MACROD2: variants seen among roughly 807,000 people sequenced by gnomAD.
MACROD2 encodes the protein ADP-ribose glycohydrolase MACROD2.
Under a neutral mutation model 70.4 loss-of-function variants are expected in MACROD2, and 36 were observed. That is an observed-to-expected ratio of 0.51 (90% CI 0.39 to 0.68). The LOEUF (loss-of-function observed/expected upper bound fraction) is 0.68, where lower values mean the gene tolerates loss of function less well. Ranked by LOEUF, MACROD2 falls within the 30% of genes least tolerant of loss-of-function variation. The pLI, the probability that MACROD2 is intolerant of heterozygous loss-of-function variation, is 0.00. For missense variants in MACROD2, 496 were observed against 538.4 expected (o/e 0.92, Z 0.78); for synonymous variants, 172 against 178.8 (o/e 0.96, Z 0.30).
intron 5 of MACROD2, among the ~76,000 whole-genome samples, chr20:14,814,796 G>A (rs961626841): frequency 5.9e-5 from 9 of 151,948 alleles, no homozygotes; most frequent in African/African-American, 2.2e-4. Context: ...TAATTGCAGA[G>A]CGTGGCACTG....
intron 9 of MACROD2, among the ~76,000 whole-genome samples, chr20:15,884,895 T>A (rs1379132865): frequency 6.6e-6 from 1 of 152,078 alleles, no homozygotes; most frequent in Non-Finnish European, 1.5e-5. Context: ...AGCCATCTTC[T>A]TCCTGTGTCC....
intron 3 of MACROD2, among the ~76,000 whole-genome samples, chr20:14,484,196 A>T (rs1394006722): frequency 1.3e-5 from 2 of 152,202 alleles, no homozygotes; most frequent in Non-Finnish European, 2.9e-5. Flanking sequence ...TAATAAACAT[A>T]TTTTAATATG....
chr20:14,033,522 C>T (rs1359645575), intron 2 of MACROD2, among the ~76,000 whole-genome samples: 1 of 152,070 alleles, frequency 6.6e-6, no homozygotes, highest in African/African-American at 2.4e-5. Flanking sequence ...ATTAAAACAT[C>T]CTGTTGGGTT....
intron 5 of MACROD2, among the ~76,000 whole-genome samples, chr20:14,814,655 T>C (rs2072752982): frequency 6.6e-6 from 1 of 152,042 alleles, no homozygotes; most frequent in Non-Finnish European, 1.5e-5. Flanking sequence ...AACCATCATT[T>C]ATTCAATAAA....
At chr20:14,097,894 A>T (rs1258973598) in intron 3 of MACROD2, among the ~76,000 whole-genome samples, 1 of 152,194 alleles carries the variant, frequency 6.6e-6, no homozygotes, top group African/African-American at 2.4e-5. Context: ...GTGTATGTTA[A>T]ACTGTCAGGA....
At chr20:15,717,204 T>A (rs1005786355) in intron 8 of MACROD2, among the ~76,000 whole-genome samples, 1 of 152,226 alleles carries the variant, frequency 6.6e-6, no homozygotes, top group Non-Finnish European at 1.5e-5. Flanking sequence ...TTCTTTTTCA[T>A]TGTAAGCCCA....
intron 5 of MACROD2, among the ~76,000 whole-genome samples, chr20:14,891,534 A>C (rs986924990): frequency 4.6e-5 from 7 of 152,160 alleles, no homozygotes; most frequent in African/African-American, 1.7e-4. Flanking sequence ...TTTTGTGCCC[A>C]GCCATGTCTT....
chr20:14,004,993 C>T (rs1335609479), intron 2 of MACROD2, among the ~76,000 whole-genome samples: 2 of 151,914 alleles, frequency 1.3e-5, no homozygotes, highest in Admixed American at 1.3e-4. Context: ...TAATTTTTTT[C>T]TTGCTTTGTT....
chr20:15,153,650 G>GC (rs1385091810), intron 5 of MACROD2, among the ~76,000 whole-genome samples: 1 of 152,196 alleles, frequency 6.6e-6, no homozygotes, highest in Non-Finnish European at 1.5e-5. Context: ...AATGAAGCCA[G>GC]ATATGGAATA....
chr20:15,418,832 CA>C (rs1167784204), intron 6 of MACROD2, among the ~76,000 whole-genome samples: 45 of 152,296 alleles, frequency 3.0e-4, no homozygotes, highest in African/African-American at 1.1e-3. Context: ...ATCCAGGTCT[CA>C]GGGGGGCCTT....
At chr20:14,514,023 A>C (rs2085059883) in intron 4 of MACROD2, among the ~76,000 whole-genome samples, 1 of 152,080 alleles carries the variant, frequency 6.6e-6, no homozygotes. Context: ...TTGTCTTTCT[A>C]CTTTTTCTAA....
intron 2 of MACROD2, among the ~76,000 whole-genome samples, chr20:14,048,244 A>G (rs1481516805): frequency 6.6e-6 from 1 of 152,204 alleles, no homozygotes; most frequent in Non-Finnish European, 1.5e-5. Context: ...GACTGAAACT[A>G]GAGGTTTATA....
At chr20:15,228,836 A>AT (rs1601261666) in intron 5 of MACROD2, among the ~76,000 whole-genome samples, 1 of 152,080 alleles carries the variant, frequency 6.6e-6, no homozygotes, top group African/African-American at 2.4e-5. Flanking sequence ...TGCCATATGC[A>AT]TTTTTTAAAC....
At chr20:15,532,350 T>C (rs543947473) in intron 8 of MACROD2, among the ~76,000 whole-genome samples, 1 of 152,294 alleles carries the variant, frequency 6.6e-6, no homozygotes, top group South Asian at 2.1e-4. Flanking sequence ...CAGAATGTGA[T>C]ATGTTAGATG....
chr20:16,035,223 T>TAAAATATA (rs1601359279), intron 15 of MACROD2, among the ~76,000 whole-genome samples: 1 of 144,884 alleles, frequency 6.9e-6, no homozygotes, highest in Admixed American at 7.2e-5. Flanking sequence ...ATATTATATA[T>TAAAATATA]ATACCAGAGT....
At chr20:15,539,892 G>A (rs1230902718) in intron 8 of MACROD2, among the ~76,000 whole-genome samples, 2 of 152,218 alleles carry the variant, frequency 1.3e-5, no homozygotes, top group East Asian at 3.8e-4. Context: ...GGAGACTGAG[G>A]CAGGAGAATG....
intron 3 of MACROD2, among the ~76,000 whole-genome samples, chr20:14,142,700 G>C (rs1302910001): frequency 6.6e-6 from 1 of 152,142 alleles, no homozygotes; most frequent in Non-Finnish European, 1.5e-5. Flanking sequence ...TTGGTGCTAA[G>C]TTCCTGATGA....
intron 8 of MACROD2, among the ~76,000 whole-genome samples, chr20:15,642,636 ACACAC>A (rs2049479119): frequency 8.5e-6 from 1 of 117,164 alleles, no homozygotes; most frequent in Non-Finnish European, 1.9e-5. Context: ...ACACACACAC[ACACAC>A]GTGTGCATGC....
intron 17 of MACROD2, among the ~76,000 whole-genome samples, chr20:16,049,298 A>C (rs1439921306): frequency 6.6e-6 from 1 of 152,054 alleles, no homozygotes; most frequent in African/African-American, 2.4e-5. Flanking sequence ...TTATACCTCA[A>C]TTTTAAAAAT....
Sources: gnomAD v4.1 joint callset for allele counts (sites outside exome capture counted in the v4.1 genomes callset) on GRCh38, gnomAD v4.1.1 for gene constraint, MANE v1.5 for transcripts, NCBI Gene and HGNC (gene_info 2026-07-23, HGNC 2026-07-21) for gene names.